The following PHKG1 variants were observed in gnomAD, a reference collection of about 807,000 sequenced individuals.
PHKG1 encodes the protein phosphorylase b kinase gamma catalytic chain, skeletal muscle/heart isoform.
In PHKG1, 48 loss-of-function variants were observed where a neutral mutation model predicts 50.5. That is an observed-to-expected ratio of 0.95 (90% CI 0.75 to 1.21). The LOEUF (loss-of-function observed/expected upper bound fraction) is 1.21, where lower values mean the gene tolerates loss of function less well. PHKG1 is among the 50% of genes most tolerant of loss of function. The pLI is 0.00. For synonymous variants in PHKG1, 204 were observed against 212.8 expected (o/e 0.96, Z 0.36); for missense variants, 487 against 519.5 (o/e 0.94, Z 0.61).
intron 1 of PHKG1, among the ~76,000 whole-genome samples, chr7:56,091,207 A>G (rs982496568): frequency 2.7e-5 from 4 of 147,740 alleles, no homozygotes; most frequent in Non-Finnish European, 5.9e-5. Flanking sequence ...AGTGAGTGAG[A>G]CTCTGTCTCA....
intron 4 of PHKG1, among the ~76,000 whole-genome samples, chr7:56,085,038 G>T (rs968101854): frequency 6.6e-6 from 1 of 152,014 alleles, no homozygotes; most frequent in Non-Finnish European, 1.5e-5. Context: ...TCAGCTAACT[G>T]CAACCTCTGC....
intron 3 of PHKG1, 70 bp from the exon 4 acceptor site, chr7:56,087,094 GTCA>G: frequency 8.5e-7 from 1 of 1,182,476 alleles, no homozygotes; most frequent in Non-Finnish European, 1.3e-6. Context: ...GGGCACGGGG[GTCA>G]GGGACCGAGG....
intron 4 of PHKG1, among the ~76,000 whole-genome samples, chr7:56,084,944 G>GTC (rs1481266765): frequency 6.6e-6 from 1 of 152,036 alleles, no homozygotes; most frequent in East Asian, 1.9e-4. Flanking sequence ...CCACAGAGCA[G>GTC]TCGAGACAGC....
At chr7:56,092,772 CCCCAGT>C (rs1796537074) in intron 1 of PHKG1, 58 bp downstream of exon 1, 1 of 152,160 alleles carries the variant, frequency 6.6e-6, no homozygotes, top group Admixed American at 6.6e-5. Context: ...TCTTCTCCAC[CCCCAGT>C]CCTCCCCGCT....
Position 56,082,054 on chromosome 7 carries a change from T to C in PHKG1, c.639-8A>G, listed in dbSNP as rs1796027010. The stretch of plus-strand genomic sequence containing the variant: ...ATGACGCCAGTGCTCCACCTGGACA[T>C]GCGAGGGCCCAGGGCCACTTACCCA... On this transcript the variant is annotated splice_region_variant and splice_polypyrimidine_tract_variant and intron_variant, in intron 7 of 9. Transcript: ENST00000297373. 2 of 1,611,638 alleles carry C rather than the reference T, an allele frequency of 1.2e-6. No homozygotes were observed. The highest frequency in any genetic ancestry group is 1.7e-6 in the Non-Finnish European group (2 of 1,178,118).
intron 4 of PHKG1, 54 bp from the exon 5 acceptor site, chr7:56,083,769 T>C: frequency 8.1e-7 from 1 of 1,241,968 alleles, no homozygotes; most frequent in Non-Finnish European, 1.2e-6. Context: ...CCACTGCCCT[T>C]ACCCTGCTCC....
In PHKG1 at chr7:56,083,285, C is replaced by T. The variant is rs56084807; in HGVS notation, c.540G>A (p.Arg180=). The change falls in exon 6 of 10, where the codon AGG becomes AGA. Residue 180 remains arginine (R), a synonymous_variant. Coordinates refer to ENST00000297373, the MANE Select transcript of PHKG1 (RefSeq NM_006213.5). The part of the protein sequence containing the change: ...GFSCQLEPGE[R]LREVCGTPSY... ...AAGGCCATGTTACCAGACCTCGCAG[C>T]CTCTCTCCCGGCTCCAGCTGGCAGG... 236 of 1,613,868 alleles carry T rather than the reference C, an allele frequency of 1.5e-4. 2 individuals carry two copies. In the East Asian group the frequency reaches 5.1e-3, roughly 35 times the overall value.
intron 1 of PHKG1, among the ~76,000 whole-genome samples, chr7:56,089,928 TGGGATTATA>T (rs1214983459): frequency 6.6e-6 from 1 of 152,130 alleles, no homozygotes; most frequent in Non-Finnish European, 1.5e-5. Flanking sequence ...CCCAAAGAGA[TGGGATTATA>T]GGCATGAACC....
intron 1 of PHKG1, among the ~76,000 whole-genome samples, chr7:56,089,349 G>A (rs1030368396): frequency 1.3e-5 from 2 of 151,350 alleles, no homozygotes; most frequent in Non-Finnish European, 1.5e-5. Flanking sequence ...GCAGTGAGCC[G>A]AGATCGCATC....
rs1584616279 is a variant in PHKG1, at chr7:56,081,187, C to T, written c.1031G>A (p.Arg344His). ...GAAAGCGTAGGCGTCGATGAGCCGG[C>T]GCAGAGGCCGGAGGGCATAGGGGTC... ...IRDPYALRPL[R>H]RLIDAYAFRI... The change falls in exon 10 of 10, where the codon CGC (arginine) becomes CAC (histidine). Residue 344 changes from arginine to histidine, a missense_variant. By Grantham distance (29) the Arg-to-His change is conservative. Coordinates refer to ENST00000297373, the MANE Select transcript of PHKG1 (RefSeq NM_006213.5). The surrounding 1 kb of genome is among the most constrained non-coding windows in gnomAD (Gnocchi z 4.6). 2.5e-6 allele frequency: 4 copies of T among 1,613,892 alleles called. No individual in the cohort carries two copies. The highest frequency in any genetic ancestry group is 2.5e-6 in the Non-Finnish European group (3 of 1,179,942).
At chr7:56,082,428 A>G (rs1231959324) in intron 6 of PHKG1, among the ~76,000 whole-genome samples, 175 bp from the exon 7 acceptor site, 1 of 152,044 alleles carries the variant, frequency 6.6e-6, no homozygotes. Flanking sequence ...CTCCATCTCT[A>G]CTAAAAATAC....
At chr7:56,084,442 C>T (rs957059439) in intron 4 of PHKG1, among the ~76,000 whole-genome samples, 8 of 148,004 alleles carry the variant, frequency 5.4e-5, no homozygotes, top group South Asian at 2.1e-4. Flanking sequence ...GATGCAATCT[C>T]GGCTCACTGC....
Position 56,081,638 on chromosome 7 carries a change from TC to T in PHKG1, c.909del (p.Lys304SerfsTer4). Reference sequence around the variant, plus strand: ...ATCAGGACGCTTAGTACCTTGAACTTCCCCCGGGGGCTGAAGTGCCGCACTT... The same window carrying T: ...ATCAGGACGCTTAGTACCTTGAACTTCCCCGGGGGCTGAAGTGCCGCACTT... The part of the protein sequence containing the change: ...VEEVRHFSPR[G>X]KFKVIALTVL... On this transcript the variant is annotated frameshift_variant, in exon 9 of 10. Coordinates refer to ENST00000297373, the MANE Select transcript of PHKG1 (RefSeq NM_006213.5). LOFTEE classifies it high-confidence loss of function. The surrounding 1 kb of genome is among the most constrained non-coding windows in gnomAD (Gnocchi z 4.6). The T allele has an allele frequency of 6.2e-7, 1 of 1,613,300 alleles. No individual in the cohort carries two copies. The highest frequency in any genetic ancestry group is 8.5e-7 in the Non-Finnish European group (1 of 1,179,854).
rs1420871783 is a variant in PHKG1, at chr7:56,088,632, C to T, written c.83+227G>A. 8 of 420,650 alleles carry T rather than the reference C, an allele frequency of 1.9e-5. 1 individual carries two copies. The South Asian group carries it at 1.9e-4, about 10-fold the overall frequency. The allele number at this position is 420,650 out of a possible 1,614,324, so 26.1% of individuals were successfully genotyped here. Reference sequence around the variant, plus strand: ...TCAGCCTCCCAAAGTGCTGGGATTACAGGTGTGAGCCATTGCGCCTGCCCC... The same window carrying T: ...TCAGCCTCCCAAAGTGCTGGGATTATAGGTGTGAGCCATTGCGCCTGCCCC... On this transcript the variant is annotated intron_variant, in intron 2 of 9. Transcript: ENST00000297373.
intron 4 of PHKG1, chr7:56,084,322 C>T: frequency 1.2e-6 from 1 of 822,028 alleles, no homozygotes; most frequent in Non-Finnish European, 2.0e-6. Context: ...GACTATGAAC[C>T]ACTGGCCCAG....
chr7:56,081,664 T>G lies in PHKG1; in HGVS notation c.884A>C (p.Glu295Ala), dbSNP rs961824226. Residue 295 changes from glutamate (E) to alanine (A), a missense_variant, in exon 9 of 10, where the codon GAA (glutamate) becomes GCA (alanine). Transcript: ENST00000297373. This position sits in a 1 kb window ranked among gnomAD's most constrained non-coding sequence, Gnocchi z 4.6. ...HPFFQQYLVE[E>A]VRHFSPRGKF... ...CCCCCGGGGGCTGAAGTGCCGCACT[T>G]CCTCCACCAAGTACTGCTGGAAGAA... is the stretch of plus-strand genomic sequence containing the variant. 1 of 1,613,606 alleles carries G rather than the reference T, an allele frequency of 6.2e-7. No homozygotes were observed. The highest frequency in any genetic ancestry group is 8.5e-7 in the Non-Finnish European group (1 of 1,179,956).
chr7:56,083,465 A>G (rs765957920), intron 5 of PHKG1, 24 bp from the exon 6 acceptor site: 1 of 1,612,450 alleles, frequency 6.2e-7, no homozygotes, highest in East Asian at 2.2e-5. Flanking sequence ...CACACTTGTT[A>G]CTCTTCCTCT....
chr7:56,083,736 T>C (rs768835111), intron 4 of PHKG1, 21 bp from the exon 5 acceptor site: 43 of 1,538,954 alleles, frequency 2.8e-5, no homozygotes, highest in Non-Finnish European at 3.8e-5. Context: ...AGAGGGTTGA[T>C]AGCTGGATCG....
rs547867033 is a variant in PHKG1, at chr7:56,081,528, G to A, written c.918+102C>T. On this transcript the variant is annotated intron_variant, in intron 9 of 9. Transcript: ENST00000297373. This position sits in a 1 kb window ranked among gnomAD's most constrained non-coding sequence, Gnocchi z 4.6. Reference sequence around the variant, plus strand: ...CAGGGCAGCTGGGAGGGGAGGGATGGGTACTCTGGAAATTCACGGGGTGTA... The same window carrying A: ...CAGGGCAGCTGGGAGGGGAGGGATGAGTACTCTGGAAATTCACGGGGTGTA... 9 of 1,395,120 alleles carry A rather than the reference G, an allele frequency of 6.5e-6. No homozygotes were observed. The East Asian group carries it at 2.1e-4, about 32-fold the overall frequency. The allele number at this position is 1,395,120 out of a possible 1,614,324, so 86.4% of individuals were successfully genotyped here.
Sources: gnomAD v4.1 joint callset for allele counts (sites outside exome capture counted in the v4.1 genomes callset) on GRCh38, gnomAD v4.1.1 for gene constraint, Gnocchi (gnomAD v3.1) non-coding constraint, MANE v1.5 for transcripts, NCBI Gene and HGNC (gene_info 2026-07-23, HGNC 2026-07-21) for gene names.